The following MALRD1 variants were observed in gnomAD, a reference collection of about 807,000 sequenced individuals.
MALRD1 encodes the protein MAM and LDL-receptor class A domain-containing protein 1.
A neutral mutation model predicts 242.1 loss-of-function variants in MALRD1; 247 were observed. The ratio of observed to expected loss-of-function variants is 1.02; its 90% CI spans 0.92 to 1.13. The LOEUF (loss-of-function observed/expected upper bound fraction) is 1.13, where lower values mean the gene tolerates loss of function less well. Among genes scored for constraint, MALRD1 ranks in the 50% most tolerant of loss-of-function variants. The probability of loss-of-function intolerance (pLI) is 0.00; values close to 1 mark genes in which losing one functional copy is unlikely to be tolerated. For missense variants in MALRD1, 2,989 were observed against 2,533.1 expected, an observed-to-expected ratio of 1.18 and a Z score of -3.86; for synonymous variants, 995 against 866.6, an observed-to-expected ratio of 1.15 and a Z score of -2.60.
At position 19,257,702 on chromosome 10, in the gene MALRD1, G is replaced by A. The variant is rs1313125993; in HGVS notation, c.3010G>A (p.Val1004Met). Residue 1004 changes from valine (V) to methionine (M), a missense_variant, in exon 19 of 40, where the codon GTG (valine) becomes ATG (methionine). Val to Met is a conservative substitution (Grantham distance 21). Coordinates refer to ENST00000454679, the MANE Select transcript of MALRD1 (RefSeq NM_001142308.3). ...QPFQILVEAS[V>M]GDGFTGDIAI... ...TTTTTAGATATTGGTGGAGGCTTCA[G>A]TGGGAGATGGCTTCACTGGAGATAT... 4 of 1,540,114 alleles carry A rather than the reference G, an allele frequency of 2.6e-6. No homozygotes were observed. Among genetic ancestry groups the A allele is most frequent in the South Asian group, 1.2e-5 (1 of 81,924 alleles).
intron 18 of MALRD1, among the ~76,000 whole-genome samples, chr10:19,244,499 G>A (rs929620223): frequency 6.6e-6 from 1 of 152,030 alleles, no homozygotes; most frequent in African/African-American, 2.4e-5. Context: ...GAGTCCGAGA[G>A]GCAGAGGTGT....
chr10:19,099,283 G>A (rs1836162500), intron 4 of MALRD1, among the ~76,000 whole-genome samples: 1 of 152,148 alleles, frequency 6.6e-6, no homozygotes, highest in Non-Finnish European at 1.5e-5. Context: ...GGGAAGCCTT[G>A]CCAAGGACTC....
intron 21 of MALRD1, among the ~76,000 whole-genome samples, chr10:19,297,477 G>A (rs1226330686): frequency 2.0e-5 from 3 of 151,762 alleles, no homozygotes; most frequent in Non-Finnish European, 4.4e-5. Flanking sequence ...GAATAATAAA[G>A]TTTGGGGTAA....
chr10:19,228,589 C>T (rs1464951997), intron 18 of MALRD1, among the ~76,000 whole-genome samples: 1 of 152,112 alleles, frequency 6.6e-6, no homozygotes, highest in Non-Finnish European at 1.5e-5. Flanking sequence ...TATCTGTGAA[C>T]ATTAGTTGCA....
intron 32 of MALRD1, among the ~76,000 whole-genome samples, chr10:19,545,008 A>G (rs556428078): frequency 5.3e-5 from 8 of 152,212 alleles, no homozygotes; most frequent in Non-Finnish European, 1.2e-4. Flanking sequence ...GGCTTCAACA[A>G]TAGAAATGTA....
chr10:19,074,147 T>G (rs4465279), intron 2 of MALRD1, among the ~76,000 whole-genome samples: 81,380 of 151,824 alleles, frequency 0.54, 21,951 homozygotes, highest in Middle Eastern at 0.61. Context: ...TACTAATTTT[T>G]CTCACCTGAA....
chr10:19,052,362 T>C (rs1834534584), intron 1 of MALRD1, among the ~76,000 whole-genome samples: 1 of 152,238 alleles, frequency 6.6e-6, no homozygotes, highest in Admixed American at 6.5e-5. Flanking sequence ...TGTTACTTTT[T>C]TTTGTCCATT....
intron 24 of MALRD1, among the ~76,000 whole-genome samples, chr10:19,342,464 G>C (rs1843929431): frequency 6.6e-6 from 1 of 152,118 alleles, no homozygotes; most frequent in Non-Finnish European, 1.5e-5. Flanking sequence ...TAATTGTGGA[G>C]CTTCTTGTCT....
intron 5 of MALRD1, among the ~76,000 whole-genome samples, chr10:19,112,194 A>T (rs1459444701): frequency 6.6e-6 from 1 of 151,100 alleles, no homozygotes; most frequent in East Asian, 1.9e-4. Context: ...GCTCAGGCTT[A>T]AAAACAGGAC....
At chr10:19,348,201 A>G (rs183590316) in intron 25 of MALRD1, among the ~76,000 whole-genome samples, 183 bp downstream of exon 25, 72 of 152,298 alleles carry the variant, frequency 4.7e-4, no homozygotes, top group African/African-American at 1.7e-3. Context: ...GGATTGCTAT[A>G]ACTGTTGGAA....
chr10:19,146,778 C>T (rs1415708870), intron 11 of MALRD1, among the ~76,000 whole-genome samples: 1 of 152,160 alleles, frequency 6.6e-6, no homozygotes, highest in Admixed American at 6.5e-5. Context: ...GCAATTTAAT[C>T]AGTCTTCGGG....
At chr10:19,680,429 A>T (rs1173944956) in intron 36 of MALRD1, among the ~76,000 whole-genome samples, 1 of 152,026 alleles carries the variant, frequency 6.6e-6, no homozygotes, top group African/African-American at 2.4e-5. Flanking sequence ...GTTGGTTTAA[A>T]GTGTGTTTTG....
At chr10:19,227,508 G>A (rs1213948185) in intron 18 of MALRD1, among the ~76,000 whole-genome samples, 5 of 151,922 alleles carry the variant, frequency 3.3e-5, no homozygotes, top group African/African-American at 1.2e-4. Context: ...AATATAAAAA[G>A]TATAAAGCTT....
intron 21 of MALRD1, among the ~76,000 whole-genome samples, chr10:19,311,891 T>C (rs72782359): frequency 0.012 from 1,895 of 151,684 alleles, 11 homozygotes; most frequent in Non-Finnish European, 0.02. Context: ...ACTCATGTTA[T>C]TATAAAAACA....
chr10:19,456,963 C>A (rs576846526), intron 29 of MALRD1, among the ~76,000 whole-genome samples: 3 of 151,862 alleles, frequency 2.0e-5, no homozygotes, highest in South Asian at 4.2e-4. Flanking sequence ...AACAAAAGAA[C>A]CTGCCTTATA....
At chr10:19,460,958 A>G (rs1462398052) in intron 29 of MALRD1, among the ~76,000 whole-genome samples, 1 of 152,184 alleles carries the variant, frequency 6.6e-6, no homozygotes, top group African/African-American at 2.4e-5. Context: ...TTGGTGCTAC[A>G]AGAATTATTG....
At chr10:19,137,008 A>G (rs557695887) in intron 10 of MALRD1, among the ~76,000 whole-genome samples, 10 of 152,304 alleles carry the variant, frequency 6.6e-5, no homozygotes, top group African/African-American at 2.4e-4. Context: ...AATTTATTCT[A>G]CAAATGAATA....
chr10:19,207,482 C>G (rs1379702683), intron 17 of MALRD1, among the ~76,000 whole-genome samples: 1 of 151,956 alleles, frequency 6.6e-6, no homozygotes, highest in East Asian at 1.9e-4. Flanking sequence ...ACATACATAC[C>G]TATGATAAAG....
chr10:19,264,572 C>G (rs1470924766), intron 19 of MALRD1, among the ~76,000 whole-genome samples: 1 of 151,656 alleles, frequency 6.6e-6, no homozygotes, highest in Non-Finnish European at 1.5e-5. Flanking sequence ...TCCAGCCTCA[C>G]CCTCCCAAGT....
Sources: gnomAD v4.1 joint callset for allele counts (sites outside exome capture counted in the v4.1 genomes callset) on GRCh38, gnomAD v4.1.1 for gene constraint, MANE v1.5 for transcripts, NCBI Gene and HGNC (gene_info 2026-07-23, HGNC 2026-07-21) for gene names.